The following AOPEP variants were observed in gnomAD, a reference collection of about 807,000 sequenced individuals.
The protein encoded by AOPEP is aminopeptidase O (putative), also known as aminopeptidase O.
AOPEP carries 77 observed loss-of-function variants against 98.1 expected under a neutral mutation model. That is an observed-to-expected ratio of 0.78 (90% confidence interval 0.65 to 0.95). The LOEUF is 0.95. Ranked by LOEUF, AOPEP falls within the 40% of genes least tolerant of loss-of-function variation. The probability of loss-of-function intolerance (pLI) is 0.00; values close to 1 mark genes in which losing one functional copy is unlikely to be tolerated. For missense variants in AOPEP, 1,024 were observed against 1,024.7 expected (o/e 1.00, Z 0.01); for synonymous variants, 346 against 365.3 (o/e 0.95, Z 0.60).
chr9:94,736,383 A>G (rs1293864765), intron 1 of AOPEP, among the ~76,000 whole-genome samples: 4 of 152,234 alleles, frequency 2.6e-5, no homozygotes, highest in Non-Finnish European at 4.4e-5. Flanking sequence ...AATAGTTTCT[A>G]TTAAAAATAG....
intron 2 of AOPEP, among the ~76,000 whole-genome samples, chr9:94,771,662 T>TAGAA (rs1840911069): frequency 1.3e-5 from 2 of 152,146 alleles, no homozygotes; most frequent in Admixed American, 1.3e-4. Context: ...ACGTTACTTC[T>TAGAA]GTAACGTATT....
rs538499753 is a variant in AOPEP at position 94,930,651 on chromosome 9, G to T, written c.1661+2120G>T. Among the ~76,000 whole-genome samples, 9 of 152,140 alleles carry T rather than the reference G, an allele frequency of 5.9e-5. No individual in the cohort carries two copies. The South Asian group carries it at 1.7e-3, about 28-fold the overall frequency. On this transcript the variant is annotated intron_variant, in intron 7 of 16. Coordinates refer to ENST00000375315, the MANE Select transcript of AOPEP (RefSeq NM_001193329.3). This position sits in a 1 kb window ranked among gnomAD's most constrained non-coding sequence, Gnocchi z 4.5. ...AGGGCACTAGGGGCCATGGAAGCCA[G>T]AAAAGAAGCTGAGGCAAGCAGGTGG...
chr9:95,009,619 C>G (rs938657185), intron 13 of AOPEP, among the ~76,000 whole-genome samples: 1 of 152,158 alleles, frequency 6.6e-6, no homozygotes, highest in Non-Finnish European at 1.5e-5. Context: ...TTAGCGTTTC[C>G]AAGCGAGTGG....
chr9:94,806,648 G>A (rs1053818853), intron 5 of AOPEP, among the ~76,000 whole-genome samples: 2 of 151,902 alleles, frequency 1.3e-5, no homozygotes, highest in Non-Finnish European at 2.9e-5. Context: ...CTTTATTTGC[G>A]TCCTATGTTA....
chr9:94,835,682 T>G (rs896973520), intron 5 of AOPEP, among the ~76,000 whole-genome samples: 1 of 152,232 alleles, frequency 6.6e-6, no homozygotes, highest in Non-Finnish European at 1.5e-5. Flanking sequence ...GCAAAGACTT[T>G]AACAGCTTAT....
At chr9:94,783,260 T>C (rs952216418) in intron 3 of AOPEP, among the ~76,000 whole-genome samples, 1 of 152,190 alleles carries the variant, frequency 6.6e-6, no homozygotes. Context: ...ACAAGAATGA[T>C]CTTGAAGGTC....
In AOPEP at chr9:94,995,111, T is replaced by C. The variant is rs2061139522; in HGVS notation, c.1978-10047T>C. 2.6e-5 allele frequency among the ~76,000 whole-genome samples: 4 copies of C among 152,288 alleles called. No individual in the cohort carries two copies. The South Asian group carries it at 8.3e-4, about 32-fold the overall frequency. On this transcript the variant is annotated intron_variant, in intron 11 of 16. Transcript: ENST00000375315. ...GGTTTCTCATGTCCATTGGTTGTCA[T>C]TGGAAGGGATACACACTTGTTTGTA...
intron 3 of AOPEP, among the ~76,000 whole-genome samples, chr9:94,779,167 G>A (rs575579377): frequency 2.8e-4 from 42 of 152,320 alleles, no homozygotes; most frequent in African/African-American, 9.9e-4. Context: ...GTCCAGTCAG[G>A]TTCTGCTAGA....
the AOPEP span, among the ~76,000 whole-genome samples, chr9:95,138,472 T>C: frequency 6.6e-6 from 1 of 152,218 alleles, no homozygotes; most frequent in Non-Finnish European, 1.5e-5. Context: ...AGGGTGCTCG[T>C]AGCTTCCATC....
chr9:95,053,350 T>A (rs2066549404), intron 13 of AOPEP, among the ~76,000 whole-genome samples: 1 of 152,248 alleles, frequency 6.6e-6, no homozygotes, highest in Admixed American at 6.5e-5. Flanking sequence ...TGAACCATAG[T>A]TTACATTTTA....
intron 5 of AOPEP, among the ~76,000 whole-genome samples, chr9:94,888,877 A>G (rs2048550250): frequency 6.6e-6 from 1 of 152,176 alleles, no homozygotes; most frequent in South Asian, 2.1e-4. Context: ...GTGTACGTGT[A>G]TAGTTCTAGG....
chr9:95,085,793 C>T (rs1262516444), intron 16 of AOPEP: 11 of 832,544 alleles, frequency 1.3e-5, no homozygotes, highest in Non-Finnish European at 1.8e-5. Context: ...ATTCTTCTTA[C>T]AAAAAACTAA....
In AOPEP at chr9:94,817,232, T is replaced by G. The variant is rs574526129; in HGVS notation, c.1364+16230T>G. Among the ~76,000 whole-genome samples the G allele has an allele frequency of 7.9e-5, 12 of 152,258 alleles. No individual in the cohort carries two copies. In the South Asian group the frequency reaches 8.3e-4, roughly 11 times the overall value. On this transcript the variant is annotated intron_variant, in intron 5 of 16. Coordinates refer to ENST00000375315, the MANE Select transcript of AOPEP (RefSeq NM_001193329.3). ...GTTGTCCAGGCTGGTCGCGAACTCCTGGACTCAAGCAATCTGTGTGCCTTG... is the reference window on the plus strand; with the variant it reads ...GTTGTCCAGGCTGGTCGCGAACTCCGGGACTCAAGCAATCTGTGTGCCTTG...
intron 5 of AOPEP, among the ~76,000 whole-genome samples, chr9:94,902,436 C>G (rs184840359): frequency 2.8e-4 from 43 of 152,200 alleles, no homozygotes; most frequent in Admixed American, 1.3e-3. Context: ...TACCACACCC[C>G]CTCTGAGGAC....
At chr9:94,756,241 C>T (rs1837012473) in intron 1 of AOPEP, among the ~76,000 whole-genome samples, 1 of 141,354 alleles carries the variant, frequency 7.1e-6, no homozygotes, top group Non-Finnish European at 1.5e-5. Flanking sequence ...GAGCAAGACT[C>T]TGTCTCAAAA....
chr9:94,806,676 C>T (rs1227195544), intron 5 of AOPEP, among the ~76,000 whole-genome samples: 11 of 152,126 alleles, frequency 7.2e-5, no homozygotes, highest in Non-Finnish European at 1.5e-4. Flanking sequence ...GGGCTTTCCC[C>T]TTCTAATGTG....
chr9:94,933,276 C>A, intron 7 of AOPEP: 2 of 985,534 alleles, frequency 2.0e-6, no homozygotes, highest in Non-Finnish European at 2.4e-6. Flanking sequence ...TGGATTCCGG[C>A]AGCTTCTGCC....
chr9:94,931,212 G>A (rs1238609646), intron 7 of AOPEP, among the ~76,000 whole-genome samples: 1 of 152,008 alleles, frequency 6.6e-6, no homozygotes, highest in Non-Finnish European at 1.5e-5. Context: ...AGCTTCTGAT[G>A]GCCAAGATCT....
chr9:94,805,429 G>A (rs1263941720), intron 5 of AOPEP, among the ~76,000 whole-genome samples: 1 of 151,782 alleles, frequency 6.6e-6, no homozygotes, highest in Non-Finnish European at 1.5e-5. Flanking sequence ...GAGGGAAGCT[G>A]TGTCTCATCC....
Sources: allele counts gnomAD v4.1 joint callset (sites outside exome capture counted in the v4.1 genomes callset), GRCh38; gene constraint gnomAD v4.1.1; non-coding constraint Gnocchi (gnomAD v3.1); transcripts MANE v1.5; gene names NCBI Gene and HGNC (gene_info 2026-07-23, HGNC 2026-07-21).